The following NALF1 variants were observed in gnomAD, a reference collection of about 807,000 sequenced individuals.
The protein encoded by NALF1 is family with sequence similarity 155 member A.
A neutral mutation model predicts 48.4 loss-of-function variants in NALF1; 3 were observed. The observed-to-expected ratio is 0.06, with a 90% CI of 0.03 to 0.16. NALF1 has a LOEUF of 0.16. NALF1 is among the 10% of genes least tolerant of loss of function. The pLI is 1.00. For synonymous variants in NALF1, 262 were observed against 245.7 expected (o/e 1.07, Z -0.62); for missense variants, 526 against 571.5 (o/e 0.92, Z 0.81).
At chr13:107,247,923 G>A (rs1459398164) in intron 1 of NALF1, among the ~76,000 whole-genome samples, 1 of 152,092 alleles carries the variant, frequency 6.6e-6, no homozygotes, top group Admixed American at 6.6e-5. Flanking sequence ...CACATCTGGG[G>A]CATTTTGCTC....
intron 1 of NALF1, among the ~76,000 whole-genome samples, chr13:107,725,580 G>A (rs773227722): frequency 5.3e-5 from 8 of 151,938 alleles, no homozygotes; most frequent in Non-Finnish European, 1.2e-4. Context: ...GCGCAGAGGC[G>A]CACGCCTGTA....
chr13:107,828,602 TCTATACACACAC>T (rs1566498084), intron 1 of NALF1, among the ~76,000 whole-genome samples: 14 of 43,332 alleles, frequency 3.2e-4, no homozygotes, highest in East Asian at 2.0e-3. Context: ...TATATCTATA[TCTATACACACAC>T]ACACACACAC....
chr13:107,521,405 T>TC (rs1295793116), intron 1 of NALF1, among the ~76,000 whole-genome samples: 4 of 152,190 alleles, frequency 2.6e-5, no homozygotes, highest in African/African-American at 7.2e-5. Flanking sequence ...ATATAGTTTT[T>TC]CCCCCGATCT....
intron 1 of NALF1, among the ~76,000 whole-genome samples, chr13:107,416,651 A>G (rs1884094638): frequency 6.6e-6 from 1 of 152,184 alleles, no homozygotes; most frequent in South Asian, 2.1e-4. Context: ...TGTTATCAGT[A>G]CAGCTTTTGG....
At chr13:107,686,992 C>T (rs559679328) in intron 1 of NALF1, among the ~76,000 whole-genome samples, 10 of 152,280 alleles carry the variant, frequency 6.6e-5, no homozygotes, top group African/African-American at 2.4e-4. Context: ...CAAAAAGTCA[C>T]CTGCAATCCT....
At chr13:107,618,527 G>A (rs1357851911) in intron 1 of NALF1, among the ~76,000 whole-genome samples, 2 of 152,198 alleles carry the variant, frequency 1.3e-5, no homozygotes, top group Non-Finnish European at 2.9e-5. Flanking sequence ...CAAAAAGACT[G>A]AAAGACAGGA....
intron 1 of NALF1, among the ~76,000 whole-genome samples, chr13:107,280,365 C>T (rs1881363337): frequency 6.6e-6 from 1 of 152,128 alleles, no homozygotes; most frequent in South Asian, 2.1e-4. Context: ...AATGTTATAT[C>T]TCAGTTACAT....
At chr13:107,368,048 G>A (rs75622873) in intron 1 of NALF1, among the ~76,000 whole-genome samples, 4,315 of 152,170 alleles carry the variant, frequency 0.028, 84 homozygotes, top group Non-Finnish European at 0.048. Context: ...TAAAATATGT[G>A]GTTCTGTGTA....
At chr13:107,746,235 T>G (rs533460526) in intron 1 of NALF1, among the ~76,000 whole-genome samples, 1 of 152,326 alleles carries the variant, frequency 6.6e-6, no homozygotes, top group Non-Finnish European at 1.5e-5. Flanking sequence ...CCACCATGAT[T>G]GTAAGTTTCC....
intron 1 of NALF1, among the ~76,000 whole-genome samples, chr13:107,617,287 G>A (rs565728004): frequency 1.3e-5 from 2 of 152,196 alleles, no homozygotes; most frequent in South Asian, 2.1e-4. Context: ...AAGAGGGAGA[G>A]GGAGAGGTCT....
chr13:107,699,260 T>C (rs1881764497), intron 1 of NALF1, among the ~76,000 whole-genome samples: 1 of 152,146 alleles, frequency 6.6e-6, no homozygotes, highest in African/African-American at 2.4e-5. Context: ...AAATATGTCA[T>C]TATACTCAGT....
chr13:107,587,916 G>A (rs1037251582), intron 1 of NALF1, among the ~76,000 whole-genome samples: 1 of 152,092 alleles, frequency 6.6e-6, no homozygotes, highest in Non-Finnish European at 1.5e-5. Context: ...CCTCTCTTCT[G>A]TATCTCCAGG....
intron 1 of NALF1, among the ~76,000 whole-genome samples, chr13:107,822,620 A>G (rs1479566125): frequency 1.3e-5 from 2 of 152,194 alleles, no homozygotes; most frequent in African/African-American, 4.8e-5. Context: ...AAATCTCAGC[A>G]TTGCAGTTGA....
chr13:107,315,485 C>G (rs1882129955), intron 1 of NALF1, among the ~76,000 whole-genome samples: 1 of 152,102 alleles, frequency 6.6e-6, no homozygotes, highest in Non-Finnish European at 1.5e-5. Context: ...TCAGTGCTTT[C>G]TCTTGGATAC....
chr13:107,246,179 C>T (rs879079374), intron 1 of NALF1, among the ~76,000 whole-genome samples: 2 of 152,018 alleles, frequency 1.3e-5, no homozygotes, highest in Admixed American at 1.3e-4. Context: ...AAAATATTTT[C>T]TTACAAATTT....
intron 1 of NALF1, among the ~76,000 whole-genome samples, chr13:107,803,325 CGTG>C (rs1370576262): frequency 6.6e-6 from 1 of 151,916 alleles, no homozygotes; most frequent in Non-Finnish European, 1.5e-5. Flanking sequence ...TTAAATATAA[CGTG>C]GTCAATTTTT....
At chr13:107,570,403 T>C (rs550560831) in intron 1 of NALF1, among the ~76,000 whole-genome samples, 1 of 152,150 alleles carries the variant, frequency 6.6e-6, no homozygotes, top group East Asian at 1.9e-4. Flanking sequence ...CATAAACACG[T>C]ACTGAATTTT....
chr13:107,835,625 C>CCA (rs10627787), intron 1 of NALF1, among the ~76,000 whole-genome samples: 14,888 of 151,966 alleles, frequency 0.098, 809 homozygotes, highest in East Asian at 0.15. Flanking sequence ...GGCACAAGAC[C>CCA]CACACACACA....
At chr13:107,327,017 C>T (rs1882377388) in intron 1 of NALF1, among the ~76,000 whole-genome samples, 1 of 152,202 alleles carries the variant, frequency 6.6e-6, no homozygotes, top group Non-Finnish European at 1.5e-5. Context: ...ACAAGAATGC[C>T]TAACCCCAAA....
Sources: allele counts gnomAD v4.1 joint callset (sites outside exome capture counted in the v4.1 genomes callset), GRCh38; gene constraint gnomAD v4.1.1; transcripts MANE v1.5; gene names NCBI Gene and HGNC (gene_info 2026-07-23, HGNC 2026-07-21).